MARCHF1: variants seen among roughly 807,000 people sequenced by gnomAD.
The protein encoded by MARCHF1 is E3 ubiquitin-protein ligase MARCHF1.
Under a neutral mutation model 54.2 loss-of-function variants are expected in MARCHF1, and 40 were observed. That is an observed-to-expected ratio of 0.74 (90% CI 0.57 to 0.96). The LOEUF is 0.96. Ranked by LOEUF, MARCHF1 falls within the 40% of genes least tolerant of loss-of-function variation. The pLI is 0.00. For missense variants in MARCHF1, 586 were observed against 656.5 expected (o/e 0.89, Z 1.17); for synonymous variants, 236 against 236.3 (o/e 1.00, Z 0.01).
chr4:164,066,623 C>T (rs574986716), intron 2 of MARCHF1, among the ~76,000 whole-genome samples: 49 of 152,198 alleles, frequency 3.2e-4, no homozygotes, highest in Non-Finnish European at 4.3e-4. Context: ...AACCTAAATG[C>T]CCTTCAATGA....
chr4:163,569,482 C>T (rs974460804), intron 8 of MARCHF1, among the ~76,000 whole-genome samples: 4 of 152,128 alleles, frequency 2.6e-5, no homozygotes, highest in Non-Finnish European at 4.4e-5. Flanking sequence ...TGTAAACATA[C>T]TAATAGTTCA....
At chr4:164,365,098 C>T (rs1730840305) in intron 1 of MARCHF1, among the ~76,000 whole-genome samples, 1 of 151,938 alleles carries the variant, frequency 6.6e-6, no homozygotes, top group African/African-American at 2.4e-5. Flanking sequence ...CTTCATCATT[C>T]CCTGCCACGA....
intron 5 of MARCHF1, among the ~76,000 whole-genome samples, chr4:163,618,260 G>A (rs537741657): frequency 6.6e-6 from 1 of 152,252 alleles, no homozygotes; most frequent in East Asian, 1.9e-4. Flanking sequence ...GTCAGTGCCT[G>A]TGCCTATCTG....
At chr4:164,214,206 T>C (rs1318530116) in intron 1 of MARCHF1, among the ~76,000 whole-genome samples, 1 of 152,194 alleles carries the variant, frequency 6.6e-6, no homozygotes, top group Non-Finnish European at 1.5e-5. Context: ...GGGTATTTTA[T>C]GTTGTCTTCA....
At chr4:164,175,880 G>A (rs1730649888) in intron 1 of MARCHF1, among the ~76,000 whole-genome samples, 1 of 151,844 alleles carries the variant, frequency 6.6e-6, no homozygotes, top group African/African-American at 2.4e-5. Context: ...CATTATCTTG[G>A]TTCCGTTTCT....
intron 1 of MARCHF1, among the ~76,000 whole-genome samples, chr4:164,212,589 G>GA (rs1731806672): frequency 2.0e-5 from 3 of 152,042 alleles, no homozygotes; most frequent in Admixed American, 2.0e-4. Flanking sequence ...TTTTTACTCA[G>GA]AAAAAATATA....
At chr4:163,686,213 TAA>T (rs1280098923) in intron 5 of MARCHF1, among the ~76,000 whole-genome samples, 2 of 151,836 alleles carry the variant, frequency 1.3e-5, no homozygotes, top group African/African-American at 2.4e-5. Context: ...GTTGTGTTAA[TAA>T]AATAATTTTC....
intron 5 of MARCHF1, among the ~76,000 whole-genome samples, chr4:163,634,514 T>C (rs1742238883): frequency 6.7e-6 from 1 of 149,562 alleles, no homozygotes; most frequent in Non-Finnish European, 1.5e-5. Context: ...CACTACATAA[T>C]GGTAAAGGGA....
At chr4:164,218,105 A>C (rs1346736649) in intron 1 of MARCHF1, among the ~76,000 whole-genome samples, 1 of 152,142 alleles carries the variant, frequency 6.6e-6, no homozygotes, top group East Asian at 1.9e-4. Context: ...ATTTCCCTGC[A>C]TAATAAGGTA....
At chr4:163,842,976 A>C (rs963024032) in intron 4 of MARCHF1, among the ~76,000 whole-genome samples, 3 of 98,840 alleles carry the variant, frequency 3.0e-5, no homozygotes, top group African/African-American at 1.1e-4. Context: ...TAGTGAGTAC[A>C]GGGTGCAATA....
intron 7 of MARCHF1, among the ~76,000 whole-genome samples, chr4:163,598,133 G>A (rs1740833901): frequency 6.6e-6 from 1 of 152,174 alleles, no homozygotes; most frequent in Non-Finnish European, 1.5e-5. Context: ...GTGAGATTCT[G>A]CTGCACTTTC....
intron 1 of MARCHF1, among the ~76,000 whole-genome samples, chr4:164,183,574 AC>A (rs1263064935): frequency 6.6e-6 from 1 of 152,210 alleles, no homozygotes; most frequent in Non-Finnish European, 1.5e-5. Flanking sequence ...ATAAATAAAT[AC>A]CCTACGTTTT....
At position 163,556,616 on chromosome 4, in the gene MARCHF1, C is replaced by T. The variant is rs550002857; in HGVS notation, c.1192-10873G>A. On this transcript the variant is annotated intron_variant, in intron 8 of 9. Transcript: ENST00000514618. ...ACACTTGAAATAAATCATATATATA[C>T]GATTTATATATAAATAAAACAGAAT... Among the ~76,000 whole-genome samples, 229 of 151,164 alleles carry T rather than the reference C, an allele frequency of 1.5e-3. 2 individuals carry two copies. Among genetic ancestry groups the T allele is most frequent in the South Asian group, 8.6e-3 (41 of 4,792 alleles).
chr4:164,064,848 T>C (rs528745780), intron 2 of MARCHF1, among the ~76,000 whole-genome samples: 1 of 152,340 alleles, frequency 6.6e-6, no homozygotes, highest in East Asian at 1.9e-4. Context: ...TTGAGAGTTT[T>C]TAACATAAAG....
chr4:163,883,960 A>C (rs1241270254), intron 3 of MARCHF1, among the ~76,000 whole-genome samples: 1 of 152,188 alleles, frequency 6.6e-6, no homozygotes, highest in Non-Finnish European at 1.5e-5. Flanking sequence ...TCTTTGAATC[A>C]CATGCACTGT....
chr4:164,227,947 C>T (rs1372532521), intron 1 of MARCHF1, among the ~76,000 whole-genome samples: 1 of 151,998 alleles, frequency 6.6e-6, no homozygotes, highest in African/African-American at 2.4e-5. Context: ...TATTGCTTCC[C>T]AGAAATGTAA....
rs542684952 is a variant in MARCHF1, at chr4:164,189,136, C to T, written c.-322-77474G>A. ...GGCCACTAATGGAGATACTCATCTG[C>T]GTGCAGAAGACTATGACTAGCGTGT... On this transcript the variant is annotated intron_variant, in intron 1 of 9. Transcript: ENST00000514618. 6.2e-4 allele frequency: 396 copies of T among 637,722 alleles called. 1 individual carries two copies. Among genetic ancestry groups the T allele is most frequent in the Middle Eastern group, 4.4e-3 (11 of 2,490 alleles). 39.5% of individuals were successfully genotyped at this position (637,722 alleles called of 1,614,324 possible).
rs562325179 is a variant in MARCHF1, at chr4:164,125,414, C to T, written c.-322-13752G>A. 9.2e-5 allele frequency among the ~76,000 whole-genome samples: 14 copies of T among 152,220 alleles called. No homozygotes were observed. The South Asian group carries it at 2.7e-3, about 29-fold the overall frequency. On this transcript the variant is annotated intron_variant, in intron 1 of 9. Coordinates refer to ENST00000514618, the MANE Select transcript of MARCHF1 (RefSeq NM_001394959.1). ...GGAAGTTTAGAATAGCAATCAAGCA[C>T]ATGAGACACAATATACTTCATTGAG... is the stretch of plus-strand genomic sequence containing the variant.
chr4:163,670,806 A>G (rs1743711171), intron 5 of MARCHF1, among the ~76,000 whole-genome samples: 1 of 152,178 alleles, frequency 6.6e-6, no homozygotes, highest in Non-Finnish European at 1.5e-5. Flanking sequence ...AGAAACACAA[A>G]TGTTTTTATT....
Sources: allele counts gnomAD v4.1 joint callset (sites outside exome capture counted in the v4.1 genomes callset), GRCh38; gene constraint gnomAD v4.1.1; transcripts MANE v1.5; gene names NCBI Gene and HGNC (gene_info 2026-07-23, HGNC 2026-07-21).